SGCD: variants seen among roughly 807,000 people sequenced by gnomAD.
The protein encoded by SGCD is delta-sarcoglycan.
A neutral mutation model predicts 36.6 loss-of-function variants in SGCD; 18 were observed. That is an observed-to-expected ratio of 0.49 (90% CI 0.34 to 0.73). The LOEUF is 0.73. SGCD is among the 30% of genes least tolerant of loss of function. SGCD has a pLI of 0.01. For missense variants in SGCD, 387 were observed against 346.7 expected, an observed-to-expected ratio of 1.12 and a Z score of -0.92; for synonymous variants, 133 against 130.6, an observed-to-expected ratio of 1.02 and a Z score of -0.12.
chr5:155,809,501 G>A, the SGCD span, among the ~76,000 whole-genome samples: 2 of 152,206 alleles, frequency 1.3e-5, no homozygotes. Flanking sequence ...CTTGGGGTAA[G>A]TGAATGATCT....
At chr5:155,814,485 G>A in the SGCD span, among the ~76,000 whole-genome samples, 2 of 152,132 alleles carry the variant, frequency 1.3e-5, no homozygotes, top group African/African-American at 4.8e-5. Context: ...TCTATTTCCT[G>A]TTCCAGACTC....
At chr5:156,458,514 C>T in intron 3 of SGCD, 1 of 1,551,410 alleles carries the variant, frequency 6.4e-7, no homozygotes, top group Non-Finnish European at 8.9e-7. Context: ...TAACCTACAA[C>T]AAACCAGAAT....
In SGCD at chr5:156,478,613, CTG is replaced by C. The variant is rs545022286; in HGVS notation, c.193-29984_193-29983del. Among the ~76,000 whole-genome samples, 168 of 152,318 alleles carry C rather than the reference CTG, an allele frequency of 1.1e-3. 1 individual carries two copies. Among genetic ancestry groups the C allele is most frequent in the African/African-American group, 3.8e-3 (160 of 41,566 alleles). Reference sequence around the variant, plus strand: ...TTTTTGTTTTTGAGACAGAGTCTCGCTGTGTCTCCCAGGCTGGAGTGCAATGG... The same window carrying C: ...TTTTTGTTTTTGAGACAGAGTCTCGCTGTCTCCCAGGCTGGAGTGCAATGG... On this transcript the variant is annotated intron_variant, in intron 3 of 8. Transcript: ENST00000337851.
At chr5:156,121,807 A>G (rs1762047834) in intron 2 of SGCD, among the ~76,000 whole-genome samples, 1 of 152,116 alleles carries the variant, frequency 6.6e-6, no homozygotes, top group Non-Finnish European at 1.5e-5. Flanking sequence ...ATAGTAAAGC[A>G]GGGGCTGAGA....
chr5:156,626,155 T>C (rs1032747094), intron 6 of SGCD, among the ~76,000 whole-genome samples: 1 of 152,122 alleles, frequency 6.6e-6, no homozygotes, highest in Non-Finnish European at 1.5e-5. Flanking sequence ...CCCTATGCAG[T>C]AGGGCTGAGG....
At chr5:156,572,420 GT>G (rs1000501125) in intron 4 of SGCD, among the ~76,000 whole-genome samples, 7 of 151,566 alleles carry the variant, frequency 4.6e-5, no homozygotes, top group African/African-American at 9.7e-5. Flanking sequence ...GTTATTTTCT[GT>G]TTTTTTTCTA....
chr5:156,560,935 A>G (rs1759242280), intron 4 of SGCD, among the ~76,000 whole-genome samples: 1 of 152,192 alleles, frequency 6.6e-6, no homozygotes, highest in Admixed American at 6.5e-5. Flanking sequence ...AAATGGTCCA[A>G]TGAATGTAAA....
intron 7 of SGCD, among the ~76,000 whole-genome samples, chr5:156,648,366 C>A (rs1447209015): frequency 6.6e-6 from 1 of 151,720 alleles, no homozygotes; most frequent in Admixed American, 6.6e-5. Flanking sequence ...ACCATAGGCA[C>A]ATGTACTTGC....
chr5:156,692,513 A>G (rs769480015), intron 7 of SGCD, among the ~76,000 whole-genome samples: 2 of 152,190 alleles, frequency 1.3e-5, no homozygotes, highest in African/African-American at 4.8e-5. Flanking sequence ...ACATATACAA[A>G]AGAGACAATG....
intron 1 of SGCD, among the ~76,000 whole-genome samples, chr5:155,906,652 T>C (rs550483311): frequency 6.6e-6 from 1 of 152,138 alleles, no homozygotes; most frequent in African/African-American, 2.4e-5. Context: ...AGCAAGGCCC[T>C]AACTCTCTTT....
At chr5:156,369,502 C>T (rs185000297) in intron 3 of SGCD, among the ~76,000 whole-genome samples, 220 of 152,248 alleles carry the variant, frequency 1.4e-3, no homozygotes, top group African/African-American at 4.9e-3. Flanking sequence ...ACCTGCAGGG[C>T]GTTGAATATG....
the SGCD span, among the ~76,000 whole-genome samples, chr5:155,784,516 T>C: frequency 6.6e-6 from 1 of 152,054 alleles, no homozygotes; most frequent in African/African-American, 2.4e-5. Flanking sequence ...GCAGGATCAC[T>C]TGGGATGCAG....
rs1371502146 is a variant in SGCD at position 156,765,806 on chromosome 5, T to C, written c.*6416T>C. 6.6e-6 allele frequency: 1 copy of C among 152,154 alleles called. No homozygotes were observed. Among genetic ancestry groups the C allele is most frequent in the Non-Finnish European group, 1.5e-5 (1 of 68,036 alleles). 9.4% of individuals were successfully genotyped at this position (152,154 alleles called of 1,614,324 possible). A position where few individuals can be genotyped will look rare whatever the true frequency, so the allele number is the denominator to read the frequency against. ...ATAAAGTCACCACATGTCAAACTAA[T>C]TTTCAAGTTGTTGGGACATGTCCCC... On this transcript the variant is annotated 3_prime_UTR_variant, in exon 9 of 9. Transcript: ENST00000337851.
intron 1 of SGCD, among the ~76,000 whole-genome samples, chr5:156,000,366 G>A (rs1758639254): frequency 6.6e-6 from 1 of 152,142 alleles, no homozygotes. Flanking sequence ...AGTCTAGAAG[G>A]ACCTGAGCCG....
chr5:156,227,511 G>A (rs1478936476), intron 3 of SGCD, among the ~76,000 whole-genome samples: 1 of 152,070 alleles, frequency 6.6e-6, no homozygotes, highest in Non-Finnish European at 1.5e-5. Context: ...TGACCTTATA[G>A]CATAGTTTGA....
chr5:155,875,304 A>G (rs994275655), intron 1 of SGCD, among the ~76,000 whole-genome samples: 1 of 152,170 alleles, frequency 6.6e-6, no homozygotes, highest in East Asian at 1.9e-4. Flanking sequence ...TCCTCCTTGT[A>G]GAATTAATTA....
chr5:155,837,278 CT>C, the SGCD span, among the ~76,000 whole-genome samples: 5 of 152,092 alleles, frequency 3.3e-5, no homozygotes, highest in Non-Finnish European at 5.9e-5. Context: ...TTGCCTCAGC[CT>C]CCTGAGTAGC....
intron 3 of SGCD, among the ~76,000 whole-genome samples, chr5:156,443,681 A>G (rs1050953864): frequency 2.0e-5 from 3 of 152,224 alleles, no homozygotes; most frequent in African/African-American, 7.2e-5. Context: ...CATATCCGAC[A>G]CTAACTTGCT....
rs892913088 is a variant in SGCD at position 156,765,090 on chromosome 5, C to T, written c.*5700C>T. 2 of 152,050 alleles carry T rather than the reference C, an allele frequency of 1.3e-5. No individual in the cohort carries two copies. The highest frequency in any genetic ancestry group is 1.9e-4 in the East Asian group (1 of 5,204). The allele number at this position is 152,050 out of a possible 1,614,324, so 9.4% of individuals were successfully genotyped here. ...CAGCTTAATAACACAAATATGAGGCCGACTTCTTTGCGAGAAGAGAAAAGA... is the reference window on the plus strand; with the variant it reads ...CAGCTTAATAACACAAATATGAGGCTGACTTCTTTGCGAGAAGAGAAAAGA... On this transcript the variant is annotated 3_prime_UTR_variant, in exon 9 of 9. Transcript: ENST00000337851.
Sources: allele counts gnomAD v4.1 joint callset (sites outside exome capture counted in the v4.1 genomes callset), GRCh38; gene constraint gnomAD v4.1.1; transcripts MANE v1.5; gene names NCBI Gene and HGNC (gene_info 2026-07-23, HGNC 2026-07-21).